The following LGR5 variants were observed in gnomAD, a reference collection of about 807,000 sequenced individuals.
The protein encoded by LGR5 is leucine rich repeat containing G protein-coupled receptor 5.
In LGR5, 54 loss-of-function variants were observed where a neutral mutation model predicts 76.7. That is an observed-to-expected ratio of 0.70 (90% CI 0.57 to 0.88). The LOEUF is 0.88. LGR5 is among the 40% of genes least tolerant of loss of function. The probability of loss-of-function intolerance (pLI) is 0.00; values close to 1 mark genes in which losing one functional copy is unlikely to be tolerated. For missense variants in LGR5, 1,078 were observed against 1,073.3 expected (o/e 1.00, Z -0.06); for synonymous variants, 406 against 421.9 (o/e 0.96, Z 0.46).
At chr12:71,575,722 A>ATATGTGTGTGTG (rs1555176199) in intron 13 of LGR5, among the ~76,000 whole-genome samples, 143 of 144,854 alleles carry the variant, frequency 9.9e-4, no homozygotes, top group African/African-American at 3.6e-3. Context: ...AAAAATATAT[A>ATATGTGTGTGTG]TGTGTGTGTG....
At chr12:71,492,615 C>A (rs1874123170) in intron 1 of LGR5, among the ~76,000 whole-genome samples, 1 of 152,108 alleles carries the variant, frequency 6.6e-6, no homozygotes, top group African/African-American at 2.4e-5. Flanking sequence ...CCCTCAGAAC[C>A]CCATTCATGT....
chr12:71,468,592 A>C (rs1172903671), intron 1 of LGR5, among the ~76,000 whole-genome samples: 2 of 152,052 alleles, frequency 1.3e-5, no homozygotes, highest in African/African-American at 4.8e-5. Context: ...TTAAAGATTT[A>C]CTGATGGTTG....
At chr12:71,445,206 C>A (rs1401520428) in intron 1 of LGR5, among the ~76,000 whole-genome samples, 1 of 152,216 alleles carries the variant, frequency 6.6e-6, no homozygotes, top group Non-Finnish European at 1.5e-5. Flanking sequence ...CATGAGAAGA[C>A]AAATTCCTTC....
chr12:71,524,604 GT>G, intron 3 of LGR5, 127 bp downstream of exon 3: 1 of 590,780 alleles, frequency 1.7e-6, no homozygotes, highest in Non-Finnish European at 2.9e-6. Context: ...CTAAATTCAA[GT>G]TTACTTCATT....
chr12:71,575,061 G>A (rs1426351781), intron 13 of LGR5, among the ~76,000 whole-genome samples: 1 of 152,158 alleles, frequency 6.6e-6, no homozygotes, highest in Non-Finnish European at 1.5e-5. Flanking sequence ...AAGTCAGTGT[G>A]CCTGCGTTTG....
At chr12:71,545,637 A>G (rs1036724217) in intron 4 of LGR5, among the ~76,000 whole-genome samples, 1 of 152,090 alleles carries the variant, frequency 6.6e-6, no homozygotes, top group Admixed American at 6.6e-5. Flanking sequence ...TGACATTATT[A>G]CAGTCATCTC....
intron 1 of LGR5, among the ~76,000 whole-genome samples, chr12:71,491,545 A>C (rs940828281): frequency 2.6e-5 from 4 of 152,012 alleles, no homozygotes; most frequent in South Asian, 2.1e-4. Context: ...AATCTATGAC[A>C]GAGTTTTATC....
chr12:71,541,248 A>G (rs1876864459), intron 4 of LGR5, among the ~76,000 whole-genome samples: 1 of 152,232 alleles, frequency 6.6e-6, no homozygotes, highest in African/African-American at 2.4e-5. Context: ...AGCATTGTCC[A>G]CAGAATCATA....
At position 71,586,070 on chromosome 12, in the gene LGR5, T is replaced by C. The variant is rs900261101; in HGVS notation, c.*1336T>C. 1 of 152,222 alleles carries C rather than the reference T, an allele frequency of 6.6e-6. No individual in the cohort carries two copies. The highest frequency in any genetic ancestry group is 2.4e-5 in the African/African-American group (1 of 41,468). The allele number at this position is 152,222 out of a possible 1,614,324, so 9.4% of individuals were successfully genotyped here. On this transcript the variant is annotated 3_prime_UTR_variant, in exon 18 of 18. Transcript: ENST00000266674. The stretch of plus-strand genomic sequence containing the variant: ...TTTATGAGATGTTTTATAAGATGTG[T>C]AAATATAGAACTGTATTTATTACTA...
chr12:71,516,219 T>C (rs1261726063), intron 2 of LGR5, among the ~76,000 whole-genome samples: 2 of 152,176 alleles, frequency 1.3e-5, no homozygotes, highest in Non-Finnish European at 2.9e-5. Flanking sequence ...GTTTCATTTT[T>C]TTTAATTTAA....
chr12:71,442,934 A>G (rs1871830860), intron 1 of LGR5, among the ~76,000 whole-genome samples: 1 of 152,260 alleles, frequency 6.6e-6, no homozygotes, highest in Admixed American at 6.5e-5. Context: ...AAGGGAACAC[A>G]AAGTTATAGC....
chr12:71,571,834 A>C (rs189291512), intron 12 of LGR5, among the ~76,000 whole-genome samples: 70 of 152,294 alleles, frequency 4.6e-4, no homozygotes, highest in African/African-American at 1.4e-3. Flanking sequence ...AACTCAGGGT[A>C]CTAGTGAATT....
intron 1 of LGR5, among the ~76,000 whole-genome samples, chr12:71,494,136 C>T (rs1372505422): frequency 6.6e-6 from 1 of 150,632 alleles, no homozygotes; most frequent in East Asian, 1.9e-4. Flanking sequence ...TTAGTAGAGA[C>T]AGGGTTTCAC....
intron 2 of LGR5, among the ~76,000 whole-genome samples, chr12:71,512,502 T>A (rs1366999277): frequency 6.6e-6 from 1 of 152,186 alleles, no homozygotes; most frequent in Admixed American, 6.5e-5. Flanking sequence ...CCAGCGGTTG[T>A]CCCCAGAGAT....
chr12:71,561,869 C>T lies in LGR5; in HGVS notation c.857+17C>T. The T allele has an allele frequency of 6.7e-7, 1 of 1,492,712 alleles. No homozygotes were observed. The highest frequency in any genetic ancestry group is 9.3e-7 in the Non-Finnish European group (1 of 1,078,382). 92.5% of individuals were successfully genotyped at this position (1,492,712 alleles called of 1,614,324 possible). A position where few individuals can be genotyped will look rare whatever the true frequency, so the allele number is the denominator to read the frequency against. ...TATTACAATGTAAGTGACCATAATG[C>T]TTTTCGGTTTCTCCATCCTGAAATA... On this transcript the variant is annotated intron_variant, in intron 8 of 17. Transcript: ENST00000266674.
intron 13 of LGR5, among the ~76,000 whole-genome samples, chr12:71,577,440 C>G (rs184327430): frequency 6.6e-6 from 1 of 152,274 alleles, no homozygotes; most frequent in Non-Finnish European, 1.5e-5. Flanking sequence ...TTGTCAGTAT[C>G]CTTCCTGGAA....
chr12:71,526,904 C>G (rs1876036114), intron 3 of LGR5, among the ~76,000 whole-genome samples: 1 of 152,082 alleles, frequency 6.6e-6, no homozygotes, highest in Non-Finnish European at 1.5e-5. Context: ...AACACAGAGT[C>G]AGAAAGGACC....
At chr12:71,481,234 T>C (rs1808577430) in intron 1 of LGR5, among the ~76,000 whole-genome samples, 1 of 152,190 alleles carries the variant, frequency 6.6e-6, no homozygotes, top group South Asian at 2.1e-4. Context: ...GTCCTGATGA[T>C]ATCCCTCCCC....
At chr12:71,509,975 T>A (rs1397679716) in intron 2 of LGR5, among the ~76,000 whole-genome samples, 1 of 152,216 alleles carries the variant, frequency 6.6e-6, no homozygotes, top group Non-Finnish European at 1.5e-5. Flanking sequence ...CCTGAAAGCA[T>A]AATCTAGGCT....
Sources: gnomAD v4.1 joint callset for allele counts (sites outside exome capture counted in the v4.1 genomes callset) on GRCh38, gnomAD v4.1.1 for gene constraint, MANE v1.5 for transcripts, NCBI Gene and HGNC (gene_info 2026-07-23, HGNC 2026-07-21) for gene names.